Variants in AHDC1 observed in about 807,000 individuals in gnomAD.
The protein encoded by AHDC1 is AT-hook DNA binding motif containing 1.
AHDC1 carries 7 observed loss-of-function variants against 87.9 expected under a neutral mutation model. That is an observed-to-expected ratio of 0.08 (90% CI 0.05 to 0.15). The LOEUF is 0.15. Ranked by LOEUF, AHDC1 falls within the 10% of genes least tolerant of loss-of-function variation. The pLI, the probability that AHDC1 is intolerant of heterozygous loss-of-function variation, is 1.00. For missense variants in AHDC1, 1,841 were observed against 2,253.2 expected (o/e 0.82, Z 3.70); for synonymous variants, 1,051 against 1,006.8 (o/e 1.04, Z -0.83).
intron 3 of AHDC1, among the ~76,000 whole-genome samples, chr1:27,594,859 C>T (rs1159765933): frequency 1.3e-5 from 2 of 152,046 alleles, no homozygotes; most frequent in African/African-American, 4.8e-5. Context: ...AGGCGGAGCA[C>T]AGAATGGGTG....
intron 8 of AHDC1, among the ~76,000 whole-genome samples, chr1:27,540,691 G>A (rs945585595): frequency 2.6e-5 from 4 of 152,062 alleles, no homozygotes; most frequent in African/African-American, 7.2e-5. Context: ...GCAAAAGCAC[G>A]GGGCACCTTT....
chr1:27,539,464 G>T (rs1397122293), intron 8 of AHDC1, among the ~76,000 whole-genome samples: 1 of 150,770 alleles, frequency 6.6e-6, no homozygotes, highest in African/African-American at 2.4e-5. Flanking sequence ...TTGTTTGTTT[G>T]AGATGGAGTC....
rs1469795705 is a variant in AHDC1, at chr1:27,550,919, G to A, written c.1197C>T (p.Ala399=). 1.4e-5 allele frequency: 22 copies of A among 1,598,148 alleles called. No homozygotes were observed. The highest frequency in any genetic ancestry group is 4.5e-5 in the East Asian group (2 of 44,650). The change falls in exon 8 of 9, where the codon GCC becomes GCT. Residue 399 remains alanine (A), a synonymous_variant. Transcript: ENST00000673934. The part of the protein sequence containing the change: ...RPKILCRRRK[A]GRGRKADAGP... ...CGGCGTCTGCCTTGCGTCCCCGTCC[G>A]GCTTTCCGCCGGCGACACAGGATCT... is the stretch of plus-strand genomic sequence containing the variant.
intron 3 of AHDC1, among the ~76,000 whole-genome samples, chr1:27,582,793 A>G (rs950100906): frequency 6.6e-6 from 1 of 152,200 alleles, no homozygotes; most frequent in African/African-American, 2.4e-5. Context: ...TGTTTTGGAG[A>G]TGCGATGTTC....
intron 3 of AHDC1, among the ~76,000 whole-genome samples, chr1:27,568,657 T>G (rs1160676273): frequency 1.3e-5 from 2 of 150,624 alleles, no homozygotes; most frequent in African/African-American, 2.5e-5. Context: ...AGGGGCGGGG[T>G]CGGGGCTTCG....
At position 27,563,580 on chromosome 1, in the gene AHDC1, C is replaced by T. The variant is rs978703233; in HGVS notation, c.-628-4697G>A. 3.3e-5 allele frequency among the ~76,000 whole-genome samples: 5 copies of T among 152,184 alleles called. No individual in the cohort carries two copies. The highest frequency in any genetic ancestry group is 2.6e-4 in the Admixed American group (4 of 15,282). On this transcript the variant is annotated intron_variant, in intron 3 of 8. Coordinates refer to ENST00000673934, the MANE Select transcript of AHDC1 (RefSeq NM_001371928.1). This position sits in a 1 kb window ranked among gnomAD's most constrained non-coding sequence, Gnocchi z 6.1. ...TCACTGTCACCAGCCTGGGTGGTGC[C>T]GTCCCTCTGCCTGCAGAGGCGTCAC... is the stretch of plus-strand genomic sequence containing the variant.
At position 27,595,450 on chromosome 1, in the gene AHDC1, CTG is replaced by C. The variant is rs372265193; in HGVS notation, c.-629+7945_-629+7946del. ...GGTTGATATGCTGAGGGTGTGATAG[CTG>C]TGTGTGTGTGTGTGTGTGATTGTGT... On this transcript the variant is annotated intron_variant, in intron 3 of 8. Transcript: ENST00000673934. The surrounding 1 kb of genome is among the most constrained non-coding windows in gnomAD (Gnocchi z 4.0). Among the ~76,000 whole-genome samples the C allele has an allele frequency of 2.4e-4, 35 of 144,384 alleles. No homozygotes were observed. Among genetic ancestry groups the C allele is most frequent in the Admixed American group, 4.8e-4 (7 of 14,554 alleles). The allele number at this position is 144,384 out of a possible 152,430, so 94.7% of individuals were successfully genotyped here.
At chr1:27,575,239 C>G (rs1415632742) in intron 3 of AHDC1, among the ~76,000 whole-genome samples, 1 of 152,212 alleles carries the variant, frequency 6.6e-6, no homozygotes, top group Admixed American at 6.5e-5. Context: ...CTGCCACCTC[C>G]GCCCCCCTCC....
chr1:27,550,983 C>A lies in AHDC1; in HGVS notation c.1133G>T (p.Gly378Val), dbSNP rs773027950. The A allele has an allele frequency of 6.3e-6, 10 of 1,586,282 alleles. No homozygotes were observed. In the South Asian group the frequency reaches 7.9e-5, roughly 12 times the overall value. Residue 378 changes from glycine to valine, a missense_variant, in exon 8 of 9, where the codon GGT becomes GTT. By Grantham distance (109) the Gly-to-Val change is moderately radical. Transcript: ENST00000673934. ...CSPHGPPGPE[G>V]HPKYALRRTD... The stretch of plus-strand genomic sequence containing the variant: ...GCGCCGCAAGGCGTACTTGGGGTGA[C>A]CCTCAGGCCCGGGGGGGCCGTGCGG...
In AHDC1 at chr1:27,548,611, C is replaced by T. The variant is rs527461367; in HGVS notation, c.3505G>A (p.Asp1169Asn). ...ACCGGCTGATTGAACTGGGTGCTGTCGGAGGATGACTCAGAGAAGGTCTCC... is the reference window on the plus strand; with the variant it reads ...ACCGGCTGATTGAACTGGGTGCTGTTGGAGGATGACTCAGAGAAGGTCTCC... ...VSETFSESSS[D>N]STQFNQPVGG... The change falls in exon 8 of 9, where the codon GAC becomes AAC. Residue 1169 changes from aspartate (D) to asparagine (N), a missense_variant. Coordinates refer to ENST00000673934, the MANE Select transcript of AHDC1 (RefSeq NM_001371928.1). 1.2e-6 allele frequency: 2 copies of T among 1,613,558 alleles called. No homozygotes were observed. The highest frequency in any genetic ancestry group is 8.5e-7 in the Non-Finnish European group (1 of 1,180,030).
In AHDC1 at chr1:27,589,508, G is replaced by A. The variant is rs553738975; in HGVS notation, c.-629+13889C>T. Among the ~76,000 whole-genome samples, 3 of 152,318 alleles carry A rather than the reference G, an allele frequency of 2.0e-5. No homozygotes were observed. In the East Asian group the frequency reaches 5.8e-4, roughly 29 times the overall value. On this transcript the variant is annotated intron_variant, in intron 3 of 8. Transcript: ENST00000673934. ...AGTGCCAGCATCCTGCTGGACTACT[G>A]TTTGCATTTGTGGGTCCATGCGGCC...
At chr1:27,575,542 C>A (rs1258261004) in intron 3 of AHDC1, among the ~76,000 whole-genome samples, 2 of 151,990 alleles carry the variant, frequency 1.3e-5, no homozygotes, top group Non-Finnish European at 2.9e-5. Context: ...GCGCTTAGCT[C>A]GCTCCCCCGG....
chr1:27,574,801 T>C (rs1044363440), intron 3 of AHDC1, among the ~76,000 whole-genome samples: 6 of 152,134 alleles, frequency 3.9e-5, no homozygotes, highest in African/African-American at 1.4e-4. Context: ...GGTAGACCTC[T>C]TTCCTTCCCC....
intron 8 of AHDC1, among the ~76,000 whole-genome samples, chr1:27,539,722 G>T (rs955614766): frequency 5.9e-5 from 9 of 152,168 alleles, no homozygotes; most frequent in Admixed American, 3.3e-4. Context: ...GGGATTACAG[G>T]CGTGAGCCAC....
chr1:27,597,874 C>T (rs2148494752), intron 3 of AHDC1, among the ~76,000 whole-genome samples: 1 of 152,224 alleles, frequency 6.6e-6, no homozygotes, highest in South Asian at 2.1e-4. Flanking sequence ...ACTCTGTCTC[C>T]TTTCTTTTCT....
At chr1:27,599,050 T>C (rs2089455167) in intron 3 of AHDC1, among the ~76,000 whole-genome samples, 1 of 152,178 alleles carries the variant, frequency 6.6e-6, no homozygotes, top group Non-Finnish European at 1.5e-5. Flanking sequence ...CAGTCATCCC[T>C]CCTGAGACCC....
At position 27,550,053 on chromosome 1, in the gene AHDC1, C is replaced by T. The variant is rs759273828; in HGVS notation, c.2063G>A (p.Arg688Gln). 35 of 1,604,388 alleles carry T rather than the reference C, an allele frequency of 2.2e-5. No individual in the cohort carries two copies. The highest frequency in any genetic ancestry group is 2.3e-5 in the Non-Finnish European group (27 of 1,174,194). ...CTCAAAGAAGTCACTGAAGGAGCAT[C>T]GGGCTGACTTGGCCGCATGGCCCCC... ...RGGGHAAKSA[R>Q]CSFSDFFEGI... Residue 688 changes from arginine to glutamine, a missense_variant, in exon 8 of 9, where the codon CGA becomes CAA. Around this residue, in one of 13 missense-constraint regions of AHDC1, gnomAD observed 236 missense variants for 257.9 expected, o/e 0.92. Coordinates refer to ENST00000673934, the MANE Select transcript of AHDC1 (RefSeq NM_001371928.1).
Position 27,543,032 on chromosome 1 carries a change from C to A in AHDC1, c.*43+4229G>T, listed in dbSNP as rs553404113. Among the ~76,000 whole-genome samples, 13 of 152,362 alleles carry A rather than the reference C, an allele frequency of 8.5e-5. No individual in the cohort carries two copies. The South Asian group carries it at 2.7e-3, about 32-fold the overall frequency. ...CTCGAGGTTTCAAGACACGAAGAGA[C>A]AAAGCCCAGAGCAGCTGCGGCCTGG... On this transcript the variant is annotated intron_variant, in intron 8 of 8. Transcript: ENST00000673934.
intron 8 of AHDC1, among the ~76,000 whole-genome samples, chr1:27,546,623 C>A (rs1209547229): frequency 6.6e-6 from 1 of 152,176 alleles, no homozygotes; most frequent in Non-Finnish European, 1.5e-5. Flanking sequence ...TATCTCAGAC[C>A]AAAGATGTTG....
Sources: gnomAD v4.1 joint callset for allele counts (sites outside exome capture counted in the v4.1 genomes callset) on GRCh38, gnomAD v4.1.1 for gene constraint, gnomAD v4.1.1 regional missense constraint, Gnocchi (gnomAD v3.1) non-coding constraint, MANE v1.5 for transcripts, NCBI Gene and HGNC (gene_info 2026-07-23, HGNC 2026-07-21) for gene names.